C1orf21: variants seen among roughly 807,000 people sequenced by gnomAD.
C1orf21 encodes the protein uncharacterized protein C1orf21.
Under a neutral mutation model 18.7 loss-of-function variants are expected in C1orf21, and 3 were observed. That is an observed-to-expected ratio of 0.16 (90% CI 0.07 to 0.42). The LOEUF is 0.42. Ranked by LOEUF, C1orf21 falls within the 10% of genes least tolerant of loss-of-function variation. The pLI is 0.99. For missense variants in C1orf21, 104 were observed against 143.6 expected (o/e 0.72, Z 1.41); for synonymous variants, 41 against 46.4 (o/e 0.88, Z 0.47).
At chr1:184,542,922 G>A (rs1392130063) in intron 3 of C1orf21, among the ~76,000 whole-genome samples, 1 of 152,158 alleles carries the variant, frequency 6.6e-6, no homozygotes, top group Non-Finnish European at 1.5e-5. Flanking sequence ...ACATTCCATG[G>A]CCTTATCCAA....
At chr1:184,399,300 G>A (rs1656110968) in intron 1 of C1orf21, among the ~76,000 whole-genome samples, 1 of 150,526 alleles carries the variant, frequency 6.6e-6, no homozygotes, top group African/African-American at 2.4e-5. Context: ...AGCTAGACTG[G>A]AAGCTTATTA....
At chr1:184,533,063 C>A (rs1480462982) in intron 3 of C1orf21, among the ~76,000 whole-genome samples, 1 of 152,032 alleles carries the variant, frequency 6.6e-6, no homozygotes, top group Non-Finnish European at 1.5e-5. Context: ...CAGTATAAAG[C>A]CCTTCCTACA....
intron 3 of C1orf21, among the ~76,000 whole-genome samples, chr1:184,556,472 C>A (rs1231551795): frequency 1.3e-5 from 2 of 152,068 alleles, no homozygotes; most frequent in African/African-American, 4.8e-5. Flanking sequence ...CCAGGCCAAG[C>A]CAAAGAATGG....
At chr1:184,388,629 CT>C (rs200576878) in intron 1 of C1orf21, among the ~76,000 whole-genome samples, 141 of 143,394 alleles carry the variant, frequency 9.8e-4, no homozygotes, top group Middle Eastern at 3.6e-3. Flanking sequence ...TCTTTCTTTT[CT>C]TTTTTTTTTT....
intron 3 of C1orf21, among the ~76,000 whole-genome samples, chr1:184,517,283 C>CT (rs1401815456): frequency 6.6e-6 from 1 of 152,184 alleles, no homozygotes; most frequent in Non-Finnish European, 1.5e-5. Context: ...CATTTGAACT[C>CT]TTTAATAAGT....
At chr1:184,549,465 AAAT>A (rs1484304298) in intron 3 of C1orf21, among the ~76,000 whole-genome samples, 5 of 152,000 alleles carry the variant, frequency 3.3e-5, no homozygotes, top group African/African-American at 9.7e-5. Context: ...TATATGTATT[AAAT>A]ATATAAAGTT....
chr1:184,440,865 A>G (rs1656932739), intron 1 of C1orf21, among the ~76,000 whole-genome samples: 1 of 152,170 alleles, frequency 6.6e-6, no homozygotes, highest in South Asian at 2.1e-4. Context: ...CAGATTCTAC[A>G]TTTTCCAAGA....
chr1:184,445,371 T>TCTCG (rs766389569), intron 1 of C1orf21, among the ~76,000 whole-genome samples: 1 of 151,594 alleles, frequency 6.6e-6, no homozygotes, highest in South Asian at 2.1e-4. Flanking sequence ...TCTCTCTCTC[T>TCTCG]CTCGCAAGGA....
intron 1 of C1orf21, among the ~76,000 whole-genome samples, chr1:184,434,100 A>C (rs1046630568): frequency 1.2e-4 from 19 of 152,086 alleles, no homozygotes; most frequent in Non-Finnish European, 2.9e-5. Flanking sequence ...CCCGTCCTTC[A>C]CTAGACCATG....
chr1:184,566,342 G>T lies in C1orf21; in HGVS notation c.190-24397G>T, dbSNP rs540921852. Among the ~76,000 whole-genome samples, 5 of 152,320 alleles carry T rather than the reference G, an allele frequency of 3.3e-5. No individual in the cohort carries two copies. The East Asian group carries it at 7.7e-4, about 23-fold the overall frequency. On this transcript the variant is annotated intron_variant, in intron 3 of 5. Transcript: ENST00000235307. ...TGCTGCCTCGATTTTGCAGGTTGGA[G>T]ACATTAAGGCATGAAGAAACCAAGT...
At chr1:184,595,487 C>T (rs1254287974) in intron 4 of C1orf21, among the ~76,000 whole-genome samples, 1 of 152,092 alleles carries the variant, frequency 6.6e-6, no homozygotes, top group Non-Finnish European at 1.5e-5. Context: ...AAGTTTCTTT[C>T]ACATGGGAAG....
rs144334491 is a variant in C1orf21 at position 184,607,010 on chromosome 1, A to G, written c.327+8549A>G. On this transcript the variant is annotated intron_variant, in intron 5 of 5. Coordinates refer to ENST00000235307, the MANE Select transcript of C1orf21 (RefSeq NM_030806.4). Reference sequence around the variant, plus strand: ...AAAATTTATTCTGAAGTATTATGTTATTTCTGGTGCACTTTATTCCTCTCT... The same window carrying G: ...AAAATTTATTCTGAAGTATTATGTTGTTTCTGGTGCACTTTATTCCTCTCT... Among the ~76,000 whole-genome samples, 116 of 152,264 alleles carry G rather than the reference A, an allele frequency of 7.6e-4. 1 individual carries two copies. The South Asian group carries it at 0.024, about 31-fold the overall frequency.
intron 2 of C1orf21, among the ~76,000 whole-genome samples, chr1:184,504,360 G>A (rs1383045917): frequency 6.6e-6 from 1 of 152,110 alleles, no homozygotes; most frequent in South Asian, 2.1e-4. Context: ...AGGACCCTCT[G>A]GCTGTAACGG....
intron 1 of C1orf21, among the ~76,000 whole-genome samples, chr1:184,474,960 ACAGCAGCAATAG>A (rs1280476795): frequency 6.6e-6 from 1 of 152,186 alleles, no homozygotes; most frequent in Non-Finnish European, 1.5e-5. Flanking sequence ...GGAATCCAAA[ACAGCAGCAATAG>A]CAGCAGCAAT....
intron 1 of C1orf21, among the ~76,000 whole-genome samples, chr1:184,438,974 G>A (rs1392856973): frequency 6.6e-6 from 1 of 152,174 alleles, no homozygotes; most frequent in Non-Finnish European, 1.5e-5. Context: ...ACTTTAGGAG[G>A]CCAAGGCAGG....
intron 2 of C1orf21, among the ~76,000 whole-genome samples, chr1:184,488,782 C>T (rs985392714): frequency 9.2e-5 from 14 of 152,110 alleles, no homozygotes; most frequent in South Asian, 2.1e-4. Context: ...CTGGGCAACA[C>T]GGTGAAATCC....
At chr1:184,400,889 C>CATTT (rs145767783) in intron 1 of C1orf21, among the ~76,000 whole-genome samples, 2,049 of 152,228 alleles carry the variant, frequency 0.013, 58 homozygotes, top group African/African-American at 0.046. Context: ...AGGATAAATA[C>CATTT]ATTTGCAGTT....
At chr1:184,430,601 T>G (rs1656724261) in intron 1 of C1orf21, among the ~76,000 whole-genome samples, 1 of 152,214 alleles carries the variant, frequency 6.6e-6, no homozygotes, top group African/African-American at 2.4e-5. Flanking sequence ...TTTTCTTATC[T>G]GATAAGTTAG....
At chr1:184,468,324 G>C (rs1253089674) in intron 1 of C1orf21, among the ~76,000 whole-genome samples, 2 of 152,098 alleles carry the variant, frequency 1.3e-5, no homozygotes, top group African/African-American at 4.8e-5. Context: ...GCCCGAGGCA[G>C]AGCACAAGGA....
Sources: gnomAD v4.1 joint callset for allele counts (sites outside exome capture counted in the v4.1 genomes callset) on GRCh38, gnomAD v4.1.1 for gene constraint, MANE v1.5 for transcripts, NCBI Gene and HGNC (gene_info 2026-07-23, HGNC 2026-07-21) for gene names.